The following TMEM74 variants were observed in gnomAD, a reference collection of about 807,000 sequenced individuals.
TMEM74 encodes the protein transmembrane protein 74.
In TMEM74, 13 loss-of-function variants were observed where a neutral mutation model predicts 18.1. The observed-to-expected ratio is 0.72, with a 90% CI of 0.47 to 1.14. TMEM74 has a LOEUF of 1.14. Ranked by LOEUF, TMEM74 falls within the 50% of genes most tolerant of loss-of-function variation. The pLI, the probability that TMEM74 is intolerant of heterozygous loss-of-function variation, is 0.00. For missense variants in TMEM74, 372 were observed against 375.9 expected, an observed-to-expected ratio of 0.99 and a Z score of 0.09; for synonymous variants, 159 against 146.6, an observed-to-expected ratio of 1.08 and a Z score of -0.61.
intron 1 of TMEM74, among the ~76,000 whole-genome samples, chr8:108,730,782 G>A (rs1249775560): frequency 6.6e-6 from 1 of 151,694 alleles, no homozygotes; most frequent in Non-Finnish European, 1.5e-5. Context: ...ACAGGCACCC[G>A]CCACCACGCC....
At chr8:108,656,364 G>A (rs1812821708) in intron 1 of TMEM74, among the ~76,000 whole-genome samples, 1 of 152,134 alleles carries the variant, frequency 6.6e-6, no homozygotes, top group African/African-American at 2.4e-5. Context: ...TGTTCCCTGG[G>A]AGTCCTACTT....
rs112065343 is a variant in TMEM74, at chr8:108,684,057, A to G, written n.120-28620T>C. Reference sequence around the variant, plus strand: ...CTTGGATATTGTGAATATGACTGTGATAAACATGGGCTGCAGATGTTTCTT... The same window carrying G: ...CTTGGATATTGTGAATATGACTGTGGTAAACATGGGCTGCAGATGTTTCTT... On this transcript the variant is annotated intron_variant and non_coding_transcript_variant, in intron 1 of 3. Transcript: ENST00000518838. Among the ~76,000 whole-genome samples, 133 of 152,206 alleles carry G rather than the reference A, an allele frequency of 8.7e-4. 2 individuals carry two copies. Among genetic ancestry groups the G allele is most frequent in the African/African-American group, 3.2e-3 (132 of 41,574 alleles).
chr8:108,741,529 C>G lies in TMEM74; in HGVS notation n.119+45947G>C, dbSNP rs116786306. On this transcript the variant is annotated intron_variant and non_coding_transcript_variant, in intron 1 of 3. Coordinates refer to the TMEM74 transcript ENST00000518838. ...AATTGCTAATTGCTTCATTTTCCTCCCTCAGATCAGCCCAACTGAAATGTA... is the reference window on the plus strand; with the variant it reads ...AATTGCTAATTGCTTCATTTTCCTCGCTCAGATCAGCCCAACTGAAATGTA... Among the ~76,000 whole-genome samples, 1,155 of 152,178 alleles carry G rather than the reference C, an allele frequency of 7.6e-3. 17 individuals are homozygous for G. The highest frequency in any genetic ancestry group is 0.026 in the African/African-American group (1,073 of 41,504).
intron 2 of TMEM74, among the ~76,000 whole-genome samples, chr8:108,623,571 C>T (rs942669345): frequency 1.3e-5 from 2 of 152,028 alleles, no homozygotes; most frequent in African/African-American, 4.8e-5. Flanking sequence ...TTTATTTACT[C>T]ATCTTAGGCC....
At chr8:108,750,768 C>A (rs941747043) in intron 1 of TMEM74, among the ~76,000 whole-genome samples, 1 of 152,094 alleles carries the variant, frequency 6.6e-6, no homozygotes, top group South Asian at 2.1e-4. Context: ...GAGGGCACTG[C>A]GCATGTGGGC....
At chr8:108,653,571 G>T (rs1223064503) in intron 2 of TMEM74, among the ~76,000 whole-genome samples, 1 of 152,106 alleles carries the variant, frequency 6.6e-6, no homozygotes. Flanking sequence ...CATGGCTTTG[G>T]ATGTGTCTTA....
chr8:108,667,249 C>G (rs2130586379), intron 1 of TMEM74, among the ~76,000 whole-genome samples: 1 of 152,142 alleles, frequency 6.6e-6, no homozygotes, highest in Non-Finnish European at 1.5e-5. Flanking sequence ...TGTGAGTAGG[C>G]ACATAAGACT....
intron 1 of TMEM74, among the ~76,000 whole-genome samples, chr8:108,736,101 C>A (rs1586278364): frequency 6.6e-6 from 1 of 151,970 alleles, no homozygotes; most frequent in Non-Finnish European, 1.5e-5. Flanking sequence ...TAGTTTCTAA[C>A]CTCAGCTGGA....
chr8:108,745,118 A>C (rs1813836592), intron 1 of TMEM74, among the ~76,000 whole-genome samples: 1 of 152,176 alleles, frequency 6.6e-6, no homozygotes, highest in Non-Finnish European at 1.5e-5. Flanking sequence ...AGCACTCACA[A>C]GCAAGGTAAA....
In TMEM74 at chr8:108,681,037, G is replaced by A. The variant is rs561734823; in HGVS notation, n.120-25600C>T. ...AAGGAGGATACAAACAAATGGAAGA[G>A]CATTCCATGCTCATGGGTAGGAAGA... On this transcript the variant is annotated intron_variant and non_coding_transcript_variant, in intron 1 of 3. Transcript: ENST00000518838. Among the ~76,000 whole-genome samples the A allele has an allele frequency of 1.9e-3, 295 of 152,234 alleles. 2 individuals carry two copies. The highest frequency in any genetic ancestry group is 3.8e-3 in the African/African-American group (156 of 41,556).
intron 1 of TMEM74, among the ~76,000 whole-genome samples, chr8:108,695,873 A>G (rs2130611031): frequency 6.6e-6 from 1 of 152,338 alleles, no homozygotes; most frequent in South Asian, 2.1e-4. Flanking sequence ...GAAGCTCAGC[A>G]TCAGAAAATG....
intron 1 of TMEM74, among the ~76,000 whole-genome samples, chr8:108,686,917 C>A (rs868226682): frequency 1.3e-5 from 2 of 152,136 alleles, no homozygotes; most frequent in South Asian, 2.1e-4. Context: ...TGTGAAATCT[C>A]AAAACAAACC....
In TMEM74 at chr8:108,787,569, G is replaced by A. The variant is rs954033099; in HGVS notation, c.-133C>T. On this transcript the variant is annotated 5_prime_UTR_variant, in exon 1 of 2. Transcript: ENST00000297459. ...CCCCCAATCACCAGCTACGGCACTT[G>A]TAGCCTCTGCACGCCGCTCGGCTCC... 5 of 152,198 alleles carry A rather than the reference G, an allele frequency of 3.3e-5. No homozygotes were observed. The highest frequency in any genetic ancestry group is 7.3e-5 in the Non-Finnish European group (5 of 68,078). The allele number at this position is 152,198 out of a possible 1,614,324, so 9.4% of individuals were successfully genotyped here.
intron 1 of TMEM74, among the ~76,000 whole-genome samples, chr8:108,716,298 A>C (rs997660413): frequency 6.6e-6 from 1 of 152,124 alleles, no homozygotes; most frequent in Admixed American, 6.5e-5. Flanking sequence ...ATTCCTAATA[A>C]AATGAAATAT....
chr8:108,700,525 T>C (rs1329472412), intron 1 of TMEM74, among the ~76,000 whole-genome samples: 1 of 152,094 alleles, frequency 6.6e-6, no homozygotes, highest in Admixed American at 6.5e-5. Context: ...AATGGTGATA[T>C]ATTAAAGGTA....
At chr8:108,712,556 C>T (rs753051978) in intron 1 of TMEM74, among the ~76,000 whole-genome samples, 3 of 152,100 alleles carry the variant, frequency 2.0e-5, no homozygotes, top group South Asian at 2.1e-4. Context: ...GCTCTGAGTA[C>T]GCATATCAGG....
rs111554150 is a variant in TMEM74, at chr8:108,763,875, G to A, written n.119+23601C>T. On this transcript the variant is annotated intron_variant and non_coding_transcript_variant, in intron 1 of 3. Transcript: ENST00000518838. Reference sequence around the variant, plus strand: ...ATTCTTCCAACTTTTAATATTACAGGTTTCTGATTATTTAATCATTCTTTC... The same window carrying A: ...ATTCTTCCAACTTTTAATATTACAGATTTCTGATTATTTAATCATTCTTTC... 5.9e-3 allele frequency among the ~76,000 whole-genome samples: 894 copies of A among 152,178 alleles called. 5 individuals carry two copies. The highest frequency in any genetic ancestry group is 9.8e-3 in the Non-Finnish European group (663 of 67,992).
chr8:108,611,252 T>A (rs1347602483), intron 2 of TMEM74, among the ~76,000 whole-genome samples: 1 of 152,116 alleles, frequency 6.6e-6, no homozygotes, highest in African/African-American at 2.4e-5. Context: ...GTAGGTGAAA[T>A]TTCCCATTTC....
At chr8:108,727,947 G>A (rs1165594410) in intron 1 of TMEM74, among the ~76,000 whole-genome samples, 1 of 152,192 alleles carries the variant, frequency 6.6e-6, no homozygotes, top group Admixed American at 6.5e-5. Context: ...TGACAACTAT[G>A]TCACATGCTC....
Sources: gnomAD v4.1 joint callset for allele counts (sites outside exome capture counted in the v4.1 genomes callset) on GRCh38, gnomAD v4.1.1 for gene constraint, MANE v1.5 for transcripts, NCBI Gene and HGNC (gene_info 2026-07-23, HGNC 2026-07-21) for gene names.